Variants in CBLB observed in about 807,000 individuals in gnomAD.
CBLB encodes the protein E3 ubiquitin-protein ligase CBL-B.
In CBLB, 31 loss-of-function variants were observed where a neutral mutation model predicts 104.9. The observed-to-expected ratio is 0.30, with a 90% CI of 0.22 to 0.40. The LOEUF (loss-of-function observed/expected upper bound fraction) is 0.40, where lower values mean the gene tolerates loss of function less well. Ranked by LOEUF, CBLB falls within the 10% of genes least tolerant of loss-of-function variation. CBLB has a pLI of 1.00. For synonymous variants in CBLB, 440 were observed against 422.6 expected (o/e 1.04, Z -0.51); for missense variants, 1,062 against 1,214.6 (o/e 0.87, Z 1.87).
chr3:105,779,664 C>G (rs1339869513), intron 3 of CBLB, among the ~76,000 whole-genome samples: 1 of 150,392 alleles, frequency 6.6e-6, no homozygotes, highest in African/African-American at 2.4e-5. Flanking sequence ...CAAACTCATT[C>G]TGTTGGAGCT....
chr3:105,740,026 C>G (rs1452314755), intron 7 of CBLB, among the ~76,000 whole-genome samples: 1 of 152,150 alleles, frequency 6.6e-6, no homozygotes, highest in Non-Finnish European at 1.5e-5. Context: ...TCCCTTGAAC[C>G]CAGGAGGCGG....
chr3:105,684,978 G>A (rs1416985195), intron 14 of CBLB, among the ~76,000 whole-genome samples: 1 of 152,166 alleles, frequency 6.6e-6, no homozygotes. Context: ...TAGGTAGCAA[G>A]TACATCAAGA....
At chr3:105,682,569 T>A (rs2066447190) in intron 14 of CBLB, among the ~76,000 whole-genome samples, 1 of 152,170 alleles carries the variant, frequency 6.6e-6, no homozygotes, top group African/African-American at 2.4e-5. Context: ...TGCAGTGGCA[T>A]GATCTTGGCT....
chr3:105,868,585 T>G, intron 1 of CBLB, 151 bp downstream of exon 1: 1 of 426,330 alleles, frequency 2.3e-6, no homozygotes, highest in Non-Finnish European at 3.4e-6. Flanking sequence ...GTTCTGGTCT[T>G]TAAATGCCCC....
intron 16 of CBLB, chr3:105,680,963 T>C (rs2066248904): frequency 6.3e-6 from 1 of 159,890 alleles, no homozygotes; most frequent in East Asian, 1.8e-4. Flanking sequence ...GTTTCTTCAT[T>C]ATTATAATTT....
intron 3 of CBLB, among the ~76,000 whole-genome samples, chr3:105,790,581 G>C (rs2081515436): frequency 6.6e-6 from 1 of 152,164 alleles, no homozygotes; most frequent in Admixed American, 6.6e-5. Flanking sequence ...TTCAGTCCTT[G>C]CTTTCTGGGA....
chr3:105,835,273 T>C (rs1379534025), intron 3 of CBLB, among the ~76,000 whole-genome samples: 1 of 152,206 alleles, frequency 6.6e-6, no homozygotes, highest in Non-Finnish European at 1.5e-5. Flanking sequence ...AAGTCAGATT[T>C]CTCAGAAATC....
intron 2 of CBLB, among the ~76,000 whole-genome samples, chr3:105,857,634 TA>T (rs2091739943): frequency 6.6e-6 from 1 of 152,246 alleles, no homozygotes; most frequent in African/African-American, 2.4e-5. Context: ...TAATTAAAAT[TA>T]GGCATATAAT....
intron 3 of CBLB, among the ~76,000 whole-genome samples, chr3:105,827,283 C>T (rs2086731658): frequency 6.6e-6 from 1 of 152,140 alleles, no homozygotes; most frequent in African/African-American, 2.4e-5. Context: ...CCAAACAATG[C>T]TTTCTGAAAA....
chr3:105,832,862 T>C (rs1430323438), intron 3 of CBLB, among the ~76,000 whole-genome samples: 1 of 152,132 alleles, frequency 6.6e-6, no homozygotes, highest in Admixed American at 6.6e-5. Flanking sequence ...AAACAGAAAC[T>C]GTGACAAGTA....
chr3:105,727,726 A>G (rs2073841599), intron 9 of CBLB, among the ~76,000 whole-genome samples: 3 of 152,130 alleles, frequency 2.0e-5, no homozygotes, highest in Admixed American at 1.3e-4. Flanking sequence ...TGTATAAGAT[A>G]TAAGGAAGGG....
At chr3:105,671,234 C>G (rs1402297746) in intron 17 of CBLB, 2 of 202,640 alleles carry the variant, frequency 9.9e-6, no homozygotes, top group Non-Finnish European at 2.0e-5. Flanking sequence ...CATCTGAAAA[C>G]CTTGGTTCAC....
chr3:105,827,049 A>T (rs547793033), intron 3 of CBLB, among the ~76,000 whole-genome samples: 1 of 152,334 alleles, frequency 6.6e-6, no homozygotes, highest in South Asian at 2.1e-4. Flanking sequence ...AAGGAAACCA[A>T]GAGTAGGACA....
rs1553766899 is a variant in CBLB, at chr3:105,753,368, G to GT, written c.567-1751dup. On this transcript the variant is annotated intron_variant, in intron 4 of 18. Coordinates refer to ENST00000394030, the MANE Select transcript of CBLB (RefSeq NM_170662.5). Reference sequence around the variant, plus strand: ...TGATTAAGGTTAACAAAATGCTGCTGTTTTTTTTAAAAAAAAAAGGAACAC... The same window carrying GT: ...TGATTAAGGTTAACAAAATGCTGCTGTTTTTTTTTAAAAAAAAAAGGAACAC... Among the ~76,000 whole-genome samples the GT allele has an allele frequency of 2.0e-3, 242 of 123,746 alleles. 1 individual carries two copies. The highest frequency in any genetic ancestry group is 6.7e-3 in the African/African-American group (232 of 34,634). 81.2% of individuals were successfully genotyped at this position (123,746 alleles called of 152,430 possible). A position where few individuals can be genotyped will look rare whatever the true frequency, so the allele number is the denominator to read the frequency against.
chr3:105,685,251 TAA>T, intron 14 of CBLB, 67 bp downstream of exon 14: 1 of 1,366,004 alleles, frequency 7.3e-7, no homozygotes, highest in Non-Finnish European at 1.0e-6. Context: ...ATCAATTGTT[TAA>T]AAACAAACAT....
intron 3 of CBLB, among the ~76,000 whole-genome samples, chr3:105,819,761 C>A (rs776224769): frequency 5.9e-5 from 9 of 152,060 alleles, no homozygotes; most frequent in Non-Finnish European, 1.3e-4. Flanking sequence ...TTCATTGATA[C>A]ACAATTTTCC....
At chr3:105,777,270 GA>G (rs1349571645) in intron 3 of CBLB, among the ~76,000 whole-genome samples, 1 of 152,194 alleles carries the variant, frequency 6.6e-6, no homozygotes, top group African/African-American at 2.4e-5. Context: ...AAGGGTTCTA[GA>G]TATATGCATA....
At chr3:105,694,682 C>T (rs1391652135) in intron 12 of CBLB, among the ~76,000 whole-genome samples, 4 of 151,784 alleles carry the variant, frequency 2.6e-5, no homozygotes, top group Non-Finnish European at 5.9e-5. Context: ...AATGTATCAA[C>T]GTTCGTATTT....
intron 10 of CBLB, among the ~76,000 whole-genome samples, chr3:105,707,616 T>C (rs948474143): frequency 1.4e-4 from 21 of 152,288 alleles, no homozygotes; most frequent in African/African-American, 5.0e-4. Flanking sequence ...ACTATGAAGA[T>C]TTGTAAACAT....
Sources: gnomAD v4.1 joint callset for allele counts (sites outside exome capture counted in the v4.1 genomes callset) on GRCh38, gnomAD v4.1.1 for gene constraint, MANE v1.5 for transcripts, NCBI Gene and HGNC (gene_info 2026-07-23, HGNC 2026-07-21) for gene names.